MARK2: variants seen among roughly 807,000 people sequenced by gnomAD.
The protein encoded by MARK2 is microtubule affinity regulating kinase 2, also known as serine/threonine-protein kinase MARK2.
A neutral mutation model predicts 89.8 loss-of-function variants in MARK2; 16 were observed. The ratio of observed to expected loss-of-function variants is 0.18; its 90% CI spans 0.12 to 0.27. MARK2 has a LOEUF of 0.27. Ranked by LOEUF, MARK2 falls within the 10% of genes least tolerant of loss-of-function variation. MARK2 has a pLI of 1.00. For missense variants in MARK2, 621 were observed against 1,049.9 expected (o/e 0.59, Z 5.65); for synonymous variants, 382 against 399.5 (o/e 0.96, Z 0.52).
chr11:63,872,418 G>A (rs1204922017), intron 1 of MARK2, among the ~76,000 whole-genome samples: 6 of 152,218 alleles, frequency 3.9e-5, no homozygotes, highest in Non-Finnish European at 8.8e-5. Context: ...CAAAGCACAT[G>A]AAAATTGACC....
At chr11:63,854,264 A>G (rs1312343230) in intron 1 of MARK2, among the ~76,000 whole-genome samples, 1 of 145,402 alleles carries the variant, frequency 6.9e-6, no homozygotes, top group Non-Finnish European at 1.5e-5. Context: ...CATTGGTGCA[A>G]CCTCCGCCCA....
In MARK2 at chr11:63,844,258, T is replaced by G. The variant is rs527982529; in HGVS notation, c.54+4698T>G. Among the ~76,000 whole-genome samples the G allele has an allele frequency of 1.8e-4, 28 of 152,326 alleles. 1 individual carries two copies. In the South Asian group the frequency reaches 4.6e-3, roughly 25 times the overall value. On this transcript the variant is annotated intron_variant, in intron 1 of 18. Coordinates refer to ENST00000402010, the MANE Select transcript of MARK2 (RefSeq NM_001039469.3). The stretch of plus-strand genomic sequence containing the variant: ...ACTTTGGGAAGCCAAGGCAGGAGGA[T>G]TGCTTGAGGCCAGGAGTTCAAGACC...
chr11:63,900,247 C>T lies in MARK2; in HGVS notation c.768+137C>T, dbSNP rs1940751491. 1.4e-6 allele frequency: 1 copy of T among 727,928 alleles called. No individual in the cohort carries two copies. Among genetic ancestry groups the T allele is most frequent in the Non-Finnish European group, 2.4e-6 (1 of 419,288 alleles). The allele number at this position is 727,928 out of a possible 1,614,324, so 45.1% of individuals were successfully genotyped here. The stretch of plus-strand genomic sequence containing the variant: ...AGAGAAGGGCTTGCTGAGGTAGCAG[C>T]AGTCAAAGGCCTTCTGCACCTGGGA... On this transcript the variant is annotated intron_variant, in intron 8 of 18. Transcript: ENST00000402010. This position sits in a 1 kb window ranked among gnomAD's most constrained non-coding sequence, Gnocchi z 4.7.
chr11:63,862,921 A>G (rs1487060405), intron 1 of MARK2, among the ~76,000 whole-genome samples: 4 of 152,130 alleles, frequency 2.6e-5, no homozygotes, highest in South Asian at 2.1e-4. Context: ...TTAACTGTGT[A>G]TATTTTGTCT....
chr11:63,905,173 G>A (rs1941229129), intron 16 of MARK2, 130 bp downstream of exon 16: 5 of 1,043,816 alleles, frequency 4.8e-6, no homozygotes, highest in Non-Finnish European at 6.9e-6. Context: ...GTTAGAAGAG[G>A]CTTCAGGAAG....
chr11:63,879,617 C>G (rs1248238154), intron 1 of MARK2, among the ~76,000 whole-genome samples: 1 of 151,884 alleles, frequency 6.6e-6, no homozygotes, highest in Non-Finnish European at 1.5e-5. Context: ...GCACCTCTCC[C>G]TTCAGCAGGA....
chr11:63,860,350 G>A (rs11231621), intron 1 of MARK2, among the ~76,000 whole-genome samples: 13,954 of 151,592 alleles, frequency 0.092, 814 homozygotes, highest in South Asian at 0.22. Context: ...TCAGGAGATC[G>A]AGACCATCCT....
chr11:63,888,859 C>G, intron 1 of MARK2: 2 of 1,319,556 alleles, frequency 1.5e-6, no homozygotes, highest in Non-Finnish European at 2.0e-6. Context: ...CGCCCTAGGC[C>G]TGGCTCTTCC....
rs987680594 is a variant in MARK2 at position 63,908,947 on chromosome 11, C to G, written c.2077C>G (p.Leu693Val). Residue 693 changes from leucine to valine, a missense_variant, in exon 19 of 19, where the codon CTC becomes GTC. Leu to Val is a conservative substitution (Grantham distance 32). Around this residue, in one of 5 missense-constraint regions of MARK2, gnomAD observed 397 missense variants for 567.8 expected, o/e 0.70. Coordinates refer to ENST00000402010, the MANE Select transcript of MARK2 (RefSeq NM_001039469.3). ...ATTTCGGGAGGCCAAGCCCCGCTCC[C>G]TCCGCTTCACGTGGAGTATGAAGAC... ...EEFREAKPRS[L>V]RFTWSMKTTS... 6.5e-7 allele frequency: 1 copy of G among 1,533,590 alleles called. No homozygotes were observed. The highest frequency in any genetic ancestry group is 8.8e-7 in the Non-Finnish European group (1 of 1,133,062). 95.0% of individuals were successfully genotyped at this position (1,533,590 alleles called of 1,614,324 possible). A position where few individuals can be genotyped will look rare whatever the true frequency, so the allele number is the denominator to read the frequency against.
At chr11:63,863,973 A>G (rs760231577) in intron 1 of MARK2, among the ~76,000 whole-genome samples, 25 of 151,628 alleles carry the variant, frequency 1.6e-4, no homozygotes, top group Non-Finnish European at 3.1e-4. Flanking sequence ...TATTTTTTTG[A>G]GACTGAGTCT....
chr11:63,895,633 A>G lies in MARK2; in HGVS notation c.288A>G (p.Lys96=). ...KTQLNSSSLQ[K]LFREVRIMKV... ...AACTGAACTCCTCCAGCCTCCAGAA[A>G]GTAAGCACATGGCACCTCCTGTCCC... The change falls in exon 3 of 19, where the codon AAA becomes AAG. Residue 96 remains lysine (K), a splice_region_variant and synonymous_variant. Coordinates refer to ENST00000402010, the MANE Select transcript of MARK2 (RefSeq NM_001039469.3). The G allele has an allele frequency of 6.2e-7, 1 of 1,604,982 alleles. No individual in the cohort carries two copies. The highest frequency in any genetic ancestry group is 8.5e-7 in the Non-Finnish European group (1 of 1,173,862).
At chr11:63,870,815 G>A (rs577251617) in intron 1 of MARK2, among the ~76,000 whole-genome samples, 42 of 152,324 alleles carry the variant, frequency 2.8e-4, no homozygotes, top group African/African-American at 9.9e-4. Flanking sequence ...AGAGGAATGG[G>A]AGTGACTGCT....
intron 1 of MARK2, among the ~76,000 whole-genome samples, chr11:63,858,757 CTT>C (rs1386591822): frequency 1.3e-5 from 2 of 152,218 alleles, no homozygotes; most frequent in Non-Finnish European, 2.9e-5. Flanking sequence ...TGTGAGAACT[CTT>C]TTGTAAACAG....
At chr11:63,883,748 G>A (rs1476571704) in intron 1 of MARK2, among the ~76,000 whole-genome samples, 1 of 151,882 alleles carries the variant, frequency 6.6e-6, no homozygotes, top group African/African-American at 2.4e-5. Flanking sequence ...CCACACCCCG[G>A]CTAATTTTTG....
chr11:63,906,032 T>G, intron 16 of MARK2, 56 bp from the exon 17 acceptor site: 10 of 1,330,874 alleles, frequency 7.5e-6, no homozygotes, highest in African/African-American at 3.0e-5. Context: ...TACCGTCTTG[T>G]TGGTTTTTTT....
intron 1 of MARK2, among the ~76,000 whole-genome samples, chr11:63,864,120 A>G (rs1156570351): frequency 6.7e-6 from 1 of 148,862 alleles, no homozygotes; most frequent in African/African-American, 2.5e-5. Context: ...CTCCCGGCTA[A>G]TTTTTTTGTA....
chr11:63,863,529 A>G (rs1937942523), intron 1 of MARK2, among the ~76,000 whole-genome samples: 2 of 138,816 alleles, frequency 1.4e-5, no homozygotes, highest in Non-Finnish European at 3.0e-5. Context: ...CAGTGGCGCA[A>G]TCTCAGCTCA....
chr11:63,860,641 G>A (rs1232950879), intron 1 of MARK2, among the ~76,000 whole-genome samples: 6 of 151,742 alleles, frequency 4.0e-5, no homozygotes, highest in South Asian at 2.1e-4. Context: ...GGTGGATCAC[G>A]AGGTCAGGAG....
intron 1 of MARK2, among the ~76,000 whole-genome samples, chr11:63,877,133 G>A (rs985177644): frequency 2.4e-5 from 3 of 122,764 alleles, no homozygotes; most frequent in Non-Finnish European, 3.2e-5. Flanking sequence ...TTTTTGAGAC[G>A]GAGTCTTGCT....
Sources: gnomAD v4.1 joint callset for allele counts (sites outside exome capture counted in the v4.1 genomes callset) on GRCh38, gnomAD v4.1.1 for gene constraint, gnomAD v4.1.1 regional missense constraint, Gnocchi (gnomAD v3.1) non-coding constraint, MANE v1.5 for transcripts, NCBI Gene and HGNC (gene_info 2026-07-23, HGNC 2026-07-21) for gene names.